Variants in TBC1D5 observed in about 807,000 individuals in gnomAD.
TBC1D5 encodes the protein TBC1 domain family, member 5.
A neutral mutation model predicts 100.3 loss-of-function variants in TBC1D5; 75 were observed. The ratio of observed to expected loss-of-function variants is 0.75; its 90% CI spans 0.62 to 0.91. TBC1D5 has a LOEUF of 0.91. Ranked by LOEUF, TBC1D5 falls within the 40% of genes least tolerant of loss-of-function variation. TBC1D5 has a pLI of 0.00. For missense variants in TBC1D5, 910 were observed against 942.4 expected (o/e 0.97, Z 0.45); for synonymous variants, 323 against 325.6 (o/e 0.99, Z 0.09).
At chr3:17,344,155 AT>A (rs1319527940) in intron 13 of TBC1D5, among the ~76,000 whole-genome samples, 1 of 152,134 alleles carries the variant, frequency 6.6e-6, no homozygotes, top group Admixed American at 6.5e-5. Context: ...TGATTGTATT[AT>A]CTAGAAAACC....
intron 1 of TBC1D5, among the ~76,000 whole-genome samples, chr3:17,687,474 AAAT>A (rs748897426): frequency 6.6e-6 from 1 of 152,192 alleles, no homozygotes; most frequent in Non-Finnish European, 1.5e-5. Context: ...AAATCAATAA[AAAT>A]AATAATCAAA....
chr3:17,640,524 GTTATAAAAAAGAACA>G (rs1406421920), intron 1 of TBC1D5, among the ~76,000 whole-genome samples: 2 of 151,854 alleles, frequency 1.3e-5, no homozygotes, highest in Non-Finnish European at 2.9e-5. Context: ...TAAGGACAAT[GTTATAAAAAAGAACA>G]TTATAAAAGA....
chr3:17,362,136 AAATT>A (rs1225615211), intron 13 of TBC1D5, among the ~76,000 whole-genome samples: 1 of 152,182 alleles, frequency 6.6e-6, no homozygotes, highest in African/African-American at 2.4e-5. Flanking sequence ...CCTTACATAA[AAATT>A]AAGCCAAAAT....
chr3:17,213,128 T>C (rs1018598097), intron 18 of TBC1D5, among the ~76,000 whole-genome samples: 24 of 152,324 alleles, frequency 1.6e-4, no homozygotes, highest in African/African-American at 5.5e-4. Context: ...ACCTTTTATA[T>C]GTTTAGATAC....
At chr3:17,315,103 T>C (rs1032156006) in intron 13 of TBC1D5, among the ~76,000 whole-genome samples, 13 of 152,178 alleles carry the variant, frequency 8.5e-5, no homozygotes, top group African/African-American at 3.1e-4. Flanking sequence ...ACATAGGAAG[T>C]TCTGGTTTCT....
At chr3:17,208,988 G>GA (rs1341310227) in intron 18 of TBC1D5, among the ~76,000 whole-genome samples, 2 of 152,172 alleles carry the variant, frequency 1.3e-5, no homozygotes, top group Admixed American at 6.5e-5. Flanking sequence ...TTAATAGAGT[G>GA]AAATGGTCAA....
intron 3 of TBC1D5, among the ~76,000 whole-genome samples, chr3:17,503,998 T>A (rs1470698824): frequency 6.7e-6 from 1 of 149,000 alleles, no homozygotes; most frequent in Non-Finnish European, 1.5e-5. Context: ...GGAAGAGAGG[T>A]CAAAGAGAAC....
chr3:17,468,424 C>T (rs932060447), intron 3 of TBC1D5, among the ~76,000 whole-genome samples: 23 of 152,236 alleles, frequency 1.5e-4, no homozygotes, highest in Non-Finnish European at 2.8e-4. Context: ...TTTAATTCTG[C>T]AACTTATAAT....
chr3:17,217,461 A>G (rs976250280), intron 17 of TBC1D5, among the ~76,000 whole-genome samples: 5 of 152,138 alleles, frequency 3.3e-5, no homozygotes, highest in Non-Finnish European at 7.4e-5. Flanking sequence ...CAGTTTTCAA[A>G]AGTGACTACA....
At chr3:17,207,579 T>G (rs1380814847) in intron 18 of TBC1D5, among the ~76,000 whole-genome samples, 2 of 152,240 alleles carry the variant, frequency 1.3e-5, no homozygotes, top group Non-Finnish European at 2.9e-5. Context: ...CCTCTTTCAT[T>G]ATATGGCCAA....
intron 2 of TBC1D5, among the ~76,000 whole-genome samples, chr3:17,601,087 G>A (rs953739635): frequency 1.3e-5 from 2 of 152,200 alleles, no homozygotes; most frequent in African/African-American, 2.4e-5. Context: ...ACACATGCTG[G>A]AAGGAAAAAT....
chr3:17,391,017 T>C (rs2152319596), intron 8 of TBC1D5, among the ~76,000 whole-genome samples: 1 of 152,166 alleles, frequency 6.6e-6, no homozygotes, highest in African/African-American at 2.4e-5. Context: ...GGAAATTATG[T>C]GGGACCAGGA....
intron 18 of TBC1D5, among the ~76,000 whole-genome samples, chr3:17,196,234 T>C (rs2070669749): frequency 6.6e-6 from 1 of 152,144 alleles, no homozygotes; most frequent in Admixed American, 6.5e-5. Flanking sequence ...TGCTTTAGGT[T>C]TGGGGAGGGG....
chr3:17,732,719 A>AT (rs1230658755), intron 1 of TBC1D5, among the ~76,000 whole-genome samples: 31 of 149,824 alleles, frequency 2.1e-4, no homozygotes, highest in South Asian at 4.2e-4. Flanking sequence ...TCCGTCTCAA[A>AT]AAAATAAATA....
chr3:17,734,852 G>A (rs757744940), intron 1 of TBC1D5, among the ~76,000 whole-genome samples: 4 of 152,050 alleles, frequency 2.6e-5, no homozygotes, highest in Non-Finnish European at 5.9e-5. Context: ...TTGGGAGGCC[G>A]ATGTGGGAGG....
intron 9 of TBC1D5, among the ~76,000 whole-genome samples, chr3:17,377,137 A>C (rs1049361864): frequency 6.6e-6 from 1 of 152,174 alleles, no homozygotes; most frequent in African/African-American, 2.4e-5. Context: ...TTAAGAAGGT[A>C]TGACAGAAAA....
intron 8 of TBC1D5, among the ~76,000 whole-genome samples, chr3:17,394,358 A>T (rs986911368): frequency 6.6e-6 from 1 of 152,142 alleles, no homozygotes; most frequent in Non-Finnish European, 1.5e-5. Context: ...TAAATTATAG[A>T]GTAATGGAAA....
chr3:17,651,842 T>C (rs1183728078), intron 1 of TBC1D5, among the ~76,000 whole-genome samples: 1 of 152,070 alleles, frequency 6.6e-6, no homozygotes, highest in Non-Finnish European at 1.5e-5. Flanking sequence ...CCCAAGCCAG[T>C]GAATATGCAT....
At chr3:17,637,403 A>G (rs369191552) in intron 1 of TBC1D5, among the ~76,000 whole-genome samples, 2 of 151,540 alleles carry the variant, frequency 1.3e-5, no homozygotes, top group African/African-American at 4.8e-5. Context: ...CCGAGTTTCT[A>G]TGGATGTTTT....
Sources: allele counts gnomAD v4.1 joint callset (sites outside exome capture counted in the v4.1 genomes callset), GRCh38; gene constraint gnomAD v4.1.1; transcripts MANE v1.5; gene names NCBI Gene and HGNC (gene_info 2026-07-23, HGNC 2026-07-21).